Variants in DLG2 observed in about 807,000 individuals in gnomAD.
DLG2 encodes discs large MAGUK scaffold protein 2.
Under a neutral mutation model 132.5 loss-of-function variants are expected in DLG2, and 45 were observed. The observed-to-expected ratio is 0.34, with a 90% CI of 0.27 to 0.44. The LOEUF (loss-of-function observed/expected upper bound fraction) is 0.44. Ranked by LOEUF, DLG2 falls within the 20% of genes least tolerant of loss-of-function variation. DLG2 has a pLI of 1.00. For missense variants in DLG2, 1,045 were observed against 1,196.9 expected (o/e 0.87, Z 1.87); for synonymous variants, 424 against 419.6 (o/e 1.01, Z -0.13).
intron 3 of DLG2, among the ~76,000 whole-genome samples, chr11:85,531,126 T>A (rs529722335): frequency 3.3e-5 from 5 of 152,248 alleles, no homozygotes; most frequent in African/African-American, 1.2e-4. Context: ...ATTAAAAGTA[T>A]TTATAACAAC....
chr11:84,645,845 T>C (rs2099674253), intron 6 of DLG2, among the ~76,000 whole-genome samples: 1 of 152,172 alleles, frequency 6.6e-6, no homozygotes, highest in Non-Finnish European at 1.5e-5. Flanking sequence ...ATTTTATTAA[T>C]TGCACGCACT....
chr11:83,641,265 AT>A (rs2066420819), intron 18 of DLG2, among the ~76,000 whole-genome samples: 1 of 152,168 alleles, frequency 6.6e-6, no homozygotes, highest in Non-Finnish European at 1.5e-5. Flanking sequence ...TCCCAAACAA[AT>A]ATACTACTGC....
At chr11:84,699,219 G>T (rs1330303505) in intron 6 of DLG2, among the ~76,000 whole-genome samples, 1 of 151,526 alleles carries the variant, frequency 6.6e-6, no homozygotes, top group Non-Finnish European at 1.5e-5. Flanking sequence ...AAGAAACCTG[G>T]ATTTGATTCT....
At chr11:85,029,246 A>G (rs992263061) in intron 6 of DLG2, among the ~76,000 whole-genome samples, 1 of 152,122 alleles carries the variant, frequency 6.6e-6, no homozygotes, top group Admixed American at 6.5e-5. Flanking sequence ...CATAGATGAA[A>G]CAACGTAAAC....
chr11:85,195,673 A>G lies in DLG2; in HGVS notation c.187-41022T>C, dbSNP rs1019821038. Among the ~76,000 whole-genome samples the G allele has an allele frequency of 1.5e-3, 228 of 151,640 alleles. 11 individuals are homozygous for G. The highest frequency in any genetic ancestry group is 2.4e-3 in the Admixed American group (36 of 15,226). On this transcript the variant is annotated intron_variant, in intron 4 of 27. Coordinates refer to ENST00000376104, the MANE Select transcript of DLG2 (RefSeq NM_001142699.3). The stretch of plus-strand genomic sequence containing the variant: ...CGAGTAGCTGGGACTACAGGCGCCC[A>G]CCATCACGCCCAGCTAATTTTTTTT...
intron 5 of DLG2, among the ~76,000 whole-genome samples, chr11:85,113,683 T>C (rs1460010650): frequency 2.0e-5 from 3 of 152,128 alleles, no homozygotes; most frequent in East Asian, 3.9e-4. Flanking sequence ...TGTGGAACTT[T>C]GGAAAACTCA....
intron 19 of DLG2, among the ~76,000 whole-genome samples, chr11:83,571,831 G>T (rs2096801921): frequency 6.6e-6 from 1 of 152,042 alleles, no homozygotes; most frequent in South Asian, 2.1e-4. Context: ...ATCATTGTCT[G>T]ATGTGTTGAT....
intron 4 of DLG2, among the ~76,000 whole-genome samples, chr11:85,281,907 C>T (rs961287780): frequency 6.6e-6 from 1 of 151,782 alleles, no homozygotes; most frequent in Non-Finnish European, 1.5e-5. Context: ...TATCTGTACT[C>T]CAATGTTTAT....
At position 83,735,923 on chromosome 11, in the gene DLG2, G is replaced by A. The variant is rs2091835405; in HGVS notation, c.1825+50767C>T. On this transcript the variant is annotated intron_variant, in intron 18 of 27. Transcript: ENST00000376104. Reference sequence around the variant, plus strand: ...ATTCCAGTCTCCAGATTCACTCTCTGCCACCAAATCATACTAACTCCAGCA... The same window carrying A: ...ATTCCAGTCTCCAGATTCACTCTCTACCACCAAATCATACTAACTCCAGCA... 2.0e-5 allele frequency among the ~76,000 whole-genome samples: 3 copies of A among 152,262 alleles called. No homozygotes were observed. In the South Asian group the frequency reaches 6.2e-4, roughly 32 times the overall value.
chr11:83,813,858 A>G (rs2048063097), intron 17 of DLG2, among the ~76,000 whole-genome samples: 2 of 152,160 alleles, frequency 1.3e-5, no homozygotes, highest in Admixed American at 1.3e-4. Flanking sequence ...CACCACATGT[A>G]TTATCAATTT....
chr11:84,390,133 T>C (rs939167735), intron 7 of DLG2, among the ~76,000 whole-genome samples: 4 of 152,198 alleles, frequency 2.6e-5, no homozygotes, highest in African/African-American at 9.6e-5. Context: ...AAAAATTTTA[T>C]GAGCTACTTT....
intron 3 of DLG2, among the ~76,000 whole-genome samples, chr11:85,444,895 A>T (rs1240253539): frequency 3.3e-5 from 5 of 152,254 alleles, no homozygotes; most frequent in African/African-American, 1.2e-4. Context: ...CTTAGCAAAA[A>T]CTGTACTTGC....
intron 7 of DLG2, among the ~76,000 whole-genome samples, chr11:84,404,785 A>G (rs765964070): frequency 2.0e-5 from 3 of 152,230 alleles, no homozygotes; most frequent in Non-Finnish European, 2.9e-5. Context: ...GAAAGAATGT[A>G]GAAATAAACA....
chr11:83,532,596 C>G, intron 21 of DLG2, 112 bp downstream of exon 21: 2 of 834,334 alleles, frequency 2.4e-6, no homozygotes, highest in Non-Finnish European at 4.1e-6. Flanking sequence ...TAACAGTGCT[C>G]TACTGTCTGG....
intron 6 of DLG2, among the ~76,000 whole-genome samples, chr11:84,714,588 T>TC (rs1565749029): frequency 8.4e-5 from 11 of 131,336 alleles, no homozygotes; most frequent in African/African-American, 3.1e-4. Flanking sequence ...TCTCTTTCTC[T>TC]TTCTCTTTCT....
intron 3 of DLG2, among the ~76,000 whole-genome samples, chr11:85,370,694 A>G (rs2084908468): frequency 6.6e-6 from 1 of 152,180 alleles, no homozygotes; most frequent in African/African-American, 2.4e-5. Context: ...CCTTCCGAAA[A>G]TCAAACTTCA....
intron 6 of DLG2, among the ~76,000 whole-genome samples, chr11:85,031,128 A>G (rs983094605): frequency 6.6e-5 from 10 of 151,880 alleles, no homozygotes; most frequent in African/African-American, 2.4e-4. Context: ...TTTCATTTTC[A>G]ATGGCTAAGG....
intron 7 of DLG2, among the ~76,000 whole-genome samples, chr11:84,420,138 G>A (rs560788491): frequency 6.6e-5 from 10 of 152,204 alleles, no homozygotes; most frequent in Non-Finnish European, 1.3e-4. Context: ...AAATTATCAC[G>A]TAAACCTTCT....
At chr11:84,873,578 A>G (rs983226720) in intron 6 of DLG2, among the ~76,000 whole-genome samples, 2 of 152,250 alleles carry the variant, frequency 1.3e-5, no homozygotes, top group African/African-American at 4.8e-5. Context: ...AAGCCATACA[A>G]TCCTGTGTCA....
Sources: gnomAD v4.1 joint callset for allele counts (sites outside exome capture counted in the v4.1 genomes callset) on GRCh38, gnomAD v4.1.1 for gene constraint, MANE v1.5 for transcripts, NCBI Gene and HGNC (gene_info 2026-07-23, HGNC 2026-07-21) for gene names.